The following ZRANB3 variants were observed in gnomAD, a reference collection of about 807,000 sequenced individuals.
The protein encoded by ZRANB3 is zinc finger RANBP2-type containing 3.
Under a neutral mutation model 133.8 loss-of-function variants are expected in ZRANB3, and 125 were observed. The ratio of observed to expected loss-of-function variants is 0.93; its 90% CI spans 0.81 to 1.08. The LOEUF (loss-of-function observed/expected upper bound fraction) is 1.08, where lower values mean the gene tolerates loss of function less well. ZRANB3 is among the 50% of genes least tolerant of loss of function. ZRANB3 has a pLI of 0.00. For synonymous variants in ZRANB3, 387 were observed against 432.7 expected, an observed-to-expected ratio of 0.89 and a Z score of 1.31; for missense variants, 1,229 against 1,275.5, an observed-to-expected ratio of 0.96 and a Z score of 0.56.
chr2:135,224,239 A>AT (rs1485657792), intron 15 of ZRANB3, among the ~76,000 whole-genome samples, 187 bp downstream of exon 15: 8 of 152,220 alleles, frequency 5.3e-5, no homozygotes, highest in Non-Finnish European at 7.3e-5. Context: ...CCTGAAGTCT[A>AT]TGTTCTTAAA....
In ZRANB3 at chr2:135,287,411, T is replaced by C. The variant is rs1197476474; in HGVS notation, c.967-11656A>G. Among the ~76,000 whole-genome samples the C allele has an allele frequency of 2.6e-5, 4 of 152,204 alleles. No individual in the cohort carries two copies. The East Asian group carries it at 7.7e-4, about 29-fold the overall frequency. On this transcript the variant is annotated intron_variant, in intron 8 of 20. Coordinates refer to ENST00000264159, the MANE Select transcript of ZRANB3 (RefSeq NM_032143.4). ...TTGCTTTGGCTATGATGAGTCTTTTTTGGTTCCATATGAATTTTAGGATTG... is the reference window on the plus strand; with the variant it reads ...TTGCTTTGGCTATGATGAGTCTTTTCTGGTTCCATATGAATTTTAGGATTG...
chr2:135,495,797 T>C (rs1692635589), intron 2 of ZRANB3, among the ~76,000 whole-genome samples: 1 of 152,208 alleles, frequency 6.6e-6, no homozygotes, highest in African/African-American at 2.4e-5. Context: ...ATATCTTGAC[T>C]GAGGTTTTTG....
chr2:135,476,669 T>C (rs951676605), intron 2 of ZRANB3, among the ~76,000 whole-genome samples: 2 of 151,524 alleles, frequency 1.3e-5, no homozygotes, highest in Non-Finnish European at 2.9e-5. Flanking sequence ...CAACAAATAT[T>C]GAGCTCTCCA....
At chr2:135,366,346 G>T (rs1186040348) in intron 3 of ZRANB3, among the ~76,000 whole-genome samples, 1 of 151,902 alleles carries the variant, frequency 6.6e-6, no homozygotes, top group African/African-American at 2.4e-5. Context: ...TTACCTAATG[G>T]TTACTAAATC....
intron 2 of ZRANB3, among the ~76,000 whole-genome samples, chr2:135,400,374 C>A (rs545549783): frequency 1.3e-5 from 2 of 151,738 alleles, no homozygotes; most frequent in African/African-American, 2.4e-5. Context: ...TAAATGGAGA[C>A]GTGCTCTGTT....
intron 1 of ZRANB3, among the ~76,000 whole-genome samples, chr2:135,508,980 A>G (rs1250240582): frequency 6.6e-6 from 1 of 152,048 alleles, no homozygotes; most frequent in Non-Finnish European, 1.5e-5. Flanking sequence ...ATATATATAT[A>G]CTAATTTACT....
At chr2:135,450,073 A>G (rs1301605673) in intron 2 of ZRANB3, among the ~76,000 whole-genome samples, 2 of 152,290 alleles carry the variant, frequency 1.3e-5, no homozygotes, top group South Asian at 2.1e-4. Context: ...TGAGATTAAC[A>G]ACGGTTAATT....
intron 1 of ZRANB3, among the ~76,000 whole-genome samples, chr2:135,518,624 C>T (rs1280443747): frequency 6.6e-6 from 1 of 152,166 alleles, no homozygotes; most frequent in Non-Finnish European, 1.5e-5. Context: ...GAGCCAAGTA[C>T]CTCAATTGGA....
chr2:135,265,533 C>CT lies in ZRANB3; in HGVS notation c.1539_1539+1insA (p.Phe514IlefsTer8). On this transcript the variant is annotated frameshift_variant and splice_region_variant. Coordinates refer to ENST00000264159, the MANE Select transcript of ZRANB3 (RefSeq NM_032143.4). LOFTEE classifies it high-confidence loss of function. ...GAAAAGAGTAAGGCATATAATCTTA[C>CT]GTGAGTGAACAAAGCTTCCTTCCTT... The CT allele has an allele frequency of 6.2e-7, 1 of 1,611,246 alleles. No homozygotes were observed. Among genetic ancestry groups the CT allele is most frequent in the Non-Finnish European group, 8.5e-7 (1 of 1,178,728 alleles).
Position 135,313,487 on chromosome 2 carries a change from A to G in ZRANB3, c.966+2T>C. On this transcript the variant is annotated splice_donor_variant, in intron 8 of 20. Transcript: ENST00000264159. LOFTEE classifies it high-confidence loss of function. ...AATACATGATGGCCCAGCAAAGAGT[A>G]CCTTGGCAATAGCAGTTTGTTTAAA... The G allele has an allele frequency of 6.3e-7, 1 of 1,591,854 alleles. No homozygotes were observed. Among genetic ancestry groups the G allele is most frequent in the African/African-American group, 1.3e-5 (1 of 74,598 alleles).
rs570430119 is a variant in ZRANB3 at position 135,290,009 on chromosome 2, T to C, written c.967-14254A>G. On this transcript the variant is annotated intron_variant, in intron 8 of 20. Transcript: ENST00000264159. ...ATGTTCCATGTGCTGATGAATATAA[T>C]GTATATTCTGTAGTTGTTGGGTAGA... 7.9e-5 allele frequency among the ~76,000 whole-genome samples: 12 copies of C among 152,370 alleles called. No individual in the cohort carries two copies. The South Asian group carries it at 2.5e-3, about 32-fold the overall frequency.
At chr2:135,507,134 C>T (rs775554013) in intron 1 of ZRANB3, among the ~76,000 whole-genome samples, 1 of 152,154 alleles carries the variant, frequency 6.6e-6, no homozygotes, top group African/African-American at 2.4e-5. Context: ...TCTGCTGATG[C>T]GGTACATGTA....
chr2:135,406,417 TTCTGAAACTATTCCATCAATAGAAAAA>T, intron 2 of ZRANB3, among the ~76,000 whole-genome samples: 1 of 152,186 alleles, frequency 6.6e-6, no homozygotes, highest in East Asian at 1.9e-4. Flanking sequence ...GTACCATTCC[TTCTGAAACTATTCCATCAATAGAAAAA>T]GAGGGGATCC....
intron 2 of ZRANB3, among the ~76,000 whole-genome samples, chr2:135,412,220 AC>A (rs1688338715): frequency 1.3e-5 from 2 of 151,274 alleles, no homozygotes; most frequent in Admixed American, 1.3e-4. Context: ...ATAAATCAAA[AC>A]AACTAGATTA....
In ZRANB3 at chr2:135,269,005, T is replaced by A. The variant is rs527503710; in HGVS notation, c.1343A>T (p.Asn448Ile). The change falls in exon 11 of 21, where the codon AAT becomes ATT. Residue 448 changes from asparagine to isoleucine, a missense_variant. Physicochemically the swap from Asn to Ile is moderately radical, Grantham distance 149 (BLOSUM62 -3). Transcript: ENST00000264159. ...SSVNIHYLIA[N>I]GTLDTLMWGM... ...CCACATAAGGGTGTCTAGGGTTCCA[T>A]TTGCAATAAGGTAGTGAATATTCAC... 1 of 1,609,890 alleles carries A rather than the reference T, an allele frequency of 6.2e-7. No homozygotes were observed.
intron 2 of ZRANB3, among the ~76,000 whole-genome samples, chr2:135,403,322 G>A (rs1210627085): frequency 5.3e-5 from 8 of 152,216 alleles, no homozygotes; most frequent in East Asian, 1.9e-4. Context: ...CACCTGGCTC[G>A]GAGGGTCCTC....
chr2:135,351,141 GC>G (rs1685185182), intron 4 of ZRANB3, among the ~76,000 whole-genome samples: 1 of 152,002 alleles, frequency 6.6e-6, no homozygotes, highest in African/African-American at 2.4e-5. Flanking sequence ...ACAGGACAGA[GC>G]CAGTCTTCTT....
At chr2:135,456,214 TAGG>T (rs1419644384) in intron 2 of ZRANB3, among the ~76,000 whole-genome samples, 1 of 152,218 alleles carries the variant, frequency 6.6e-6, no homozygotes, top group Non-Finnish European at 1.5e-5. Context: ...CACATAGTAG[TAGG>T]AGAAGGTGTT....
chr2:135,398,521 C>CTTTTTT lies in ZRANB3; in HGVS notation c.162-7707_162-7702dup, dbSNP rs374119156. On this transcript the variant is annotated intron_variant, in intron 2 of 20. Coordinates refer to ENST00000264159, the MANE Select transcript of ZRANB3 (RefSeq NM_032143.4). ...CAAACAAAAACCATTTCTTTTGTCA[C>CTTTTTT]TTTTTTTTTTTTTTTGAGATGGAGT... Among the ~76,000 whole-genome samples, 162 of 123,906 alleles carry CTTTTTT rather than the reference C, an allele frequency of 1.3e-3. 8 individuals carry two copies. Among genetic ancestry groups the CTTTTTT allele is most frequent in the African/African-American group, 4.9e-3 (143 of 29,056 alleles). The allele number at this position is 123,906 out of a possible 152,430, so 81.3% of individuals were successfully genotyped here.
Sources: allele counts gnomAD v4.1 joint callset (sites outside exome capture counted in the v4.1 genomes callset), GRCh38; gene constraint gnomAD v4.1.1; transcripts MANE v1.5; gene names NCBI Gene and HGNC (gene_info 2026-07-23, HGNC 2026-07-21).